Variants in PTGS2 observed in about 807,000 individuals in gnomAD.
PTGS2 encodes prostaglandin G/H synthase 2.
In PTGS2, 14 loss-of-function variants were observed where a neutral mutation model predicts 63.8. That is an observed-to-expected ratio of 0.22 (90% CI 0.14 to 0.34). The LOEUF (loss-of-function observed/expected upper bound fraction) is 0.34. Among genes scored for constraint, PTGS2 ranks in the 10% least tolerant of loss-of-function variants. The pLI is 1.00. For missense variants in PTGS2, 533 were observed against 738.5 expected, an observed-to-expected ratio of 0.72 and a Z score of 3.23; for synonymous variants, 271 against 259.5, an observed-to-expected ratio of 1.04 and a Z score of -0.43.
Position 186,674,620 on chromosome 1 carries a change from G to A in PTGS2, c.1548C>T (p.Ser516=). 6.2e-7 allele frequency: 1 copy of A among 1,614,212 alleles called. No individual in the cohort carries two copies. The highest frequency in any genetic ancestry group is 8.5e-7 in the Non-Finnish European group (1 of 1,180,038). ...ETMVEVGAPF[S]LKGLMGNVIC... is the part of the protein sequence containing the mutation. ...TAACATTACCCATAAGTCCTTTCAA[G>A]GAGAATGGTGCTCCAACTTCTACCA... Residue 516 remains serine (S), a synonymous_variant, in exon 10 of 10, where the codon TCC becomes TCT. Coordinates refer to ENST00000367468, the MANE Select transcript of PTGS2 (RefSeq NM_000963.4).
Position 186,680,333 on chromosome 1 carries a change from T to G in PTGS2, c.-43A>C. ...CGCGGCGCGGGGGTAGGCTTTGCTG[T>G]CTGAGGGCGTCTGGCTGTGGAGCTG... On this transcript the variant is annotated 5_prime_UTR_variant, in exon 1 of 10. Coordinates refer to ENST00000367468, the MANE Select transcript of PTGS2 (RefSeq NM_000963.4). The G allele has an allele frequency of 6.9e-7, 1 of 1,450,368 alleles. No individual in the cohort carries two copies. The highest frequency in any genetic ancestry group is 9.3e-7 in the Non-Finnish European group (1 of 1,078,210). The allele number at this position is 1,450,368 out of a possible 1,614,324, so 89.8% of individuals were successfully genotyped here.
intron 1 of PTGS2, 66 bp from the exon 2 acceptor site, chr1:186,679,504 G>T: frequency 8.5e-7 from 1 of 1,179,932 alleles, no homozygotes; most frequent in Non-Finnish European, 1.2e-6. Flanking sequence ...ACATTTAATT[G>T]TTTGACTATG....
Position 186,677,810 on chromosome 1 carries a change from A to C in PTGS2, c.478T>G (p.Ser160Ala), listed in dbSNP as rs200842448. 2 of 1,613,530 alleles carry C rather than the reference A, an allele frequency of 1.2e-6. No individual in the cohort carries two copies. Among genetic ancestry groups the C allele is most frequent in the East Asian group, 2.2e-5 (1 of 44,860 alleles). ...AGCAATTTTTCCACAATCTCATTTG[A>C]ATCAGGAAGCTGCTTTTTACCTGAA... is the stretch of plus-strand genomic sequence containing the variant. Reference protein sequence around the residue: ...GVKGKKQLPDSNEIVEKLLLR... With the variant: ...GVKGKKQLPDANEIVEKLLLR... The change falls in exon 5 of 10, where the codon TCA (serine) becomes GCA (alanine). Residue 160 changes from serine (S) to alanine (A), a missense_variant. Ser to Ala is a moderately conservative substitution (Grantham distance 99). Around this residue, in one of 5 missense-constraint regions of PTGS2, gnomAD observed 118 missense variants for 138.7 expected, o/e 0.85. Transcript: ENST00000367468.
Position 186,674,757 on chromosome 1 carries a change from T to C in PTGS2, c.1411A>G (p.Lys471Glu), listed in dbSNP as rs139787656. The C allele has an allele frequency of 8.1e-6, 13 of 1,603,482 alleles. No individual in the cohort carries two copies. In the African/African-American group the frequency reaches 1.6e-4, roughly 20 times the overall value. Residue 471 changes from lysine (K) to glutamate (E), a missense_variant, in exon 10 of 10, where the codon AAG becomes GAG. Transcript: ENST00000367468. ...GCTTCCAACTCTGCAGACATTTCCT[T>C]TTCTCCTGTGAAGGCGATGAAGACA... ...YESFEELTGEKEMSAELEALY... is the reference protein window; with the variant it reads ...YESFEELTGEEEMSAELEALY...
At chr1:186,679,033 A>G (rs1364290480) in intron 3 of PTGS2, 25 bp downstream of exon 3, 11 of 1,600,820 alleles carry the variant, frequency 6.9e-6, no homozygotes, top group Admixed American at 1.8e-5. Flanking sequence ...AAGGCTAAAA[A>G]CCTTAGAAAG....
chr1:186,680,282 G>C lies in PTGS2; in HGVS notation c.9C>G (p.Ala3=), dbSNP rs1264903436. The C allele has an allele frequency of 6.5e-7, 1 of 1,543,986 alleles. No homozygotes were observed. Among genetic ancestry groups the C allele is most frequent in the South Asian group, 1.2e-5 (1 of 83,716 alleles). ML[A]RALLLCAVLA... is the part of the protein sequence containing the mutation. ...GGACCGCGCACAGCAGCAGGGCGCG[G>C]GCGAGCATCGCAGCGGCGGGCAGGG... Residue 3 remains alanine, a synonymous_variant, in exon 1 of 10, where the codon GCC becomes GCG. Transcript: ENST00000367468.
Position 186,678,419 on chromosome 1 carries a change from G to GA in PTGS2, c.314-16dup. The GA allele has an allele frequency of 6.4e-7, 1 of 1,566,306 alleles. No individual in the cohort carries two copies. On this transcript the variant is annotated splice_polypyrimidine_tract_variant and intron_variant, in intron 3 of 9. Coordinates refer to ENST00000367468, the MANE Select transcript of PTGS2 (RefSeq NM_000963.4). ...ATGTGATCTGGCTGAAATTTTCAAA[G>GA]AAAAAAATGTTTTATTTATTCTCAT...
Position 186,679,014 on chromosome 1 carries a change from T to G in PTGS2, c.313+44A>C, listed in dbSNP as rs1665829001. 3 of 1,579,044 alleles carry G rather than the reference T, an allele frequency of 1.9e-6. No homozygotes were observed. In the African/African-American group the frequency reaches 4.1e-5, roughly 22 times the overall value. ...GCTTACAGTATTATAAAGCATATTT[T>G]TCTTTGAGAAGGCTAAAAACCTTAG... On this transcript the variant is annotated intron_variant, in intron 3 of 9. Coordinates refer to ENST00000367468, the MANE Select transcript of PTGS2 (RefSeq NM_000963.4).
intron 7 of PTGS2, 128 bp downstream of exon 7, chr1:186,676,339 T>C: frequency 7.2e-7 from 1 of 1,387,236 alleles, no homozygotes; most frequent in Non-Finnish European, 9.8e-7. Flanking sequence ...CATGCTTACA[T>C]ATTTAATGTA....
chr1:186,677,951 A>G, intron 4 of PTGS2, 121 bp from the exon 5 acceptor site: 1 of 953,184 alleles, frequency 1.0e-6, no homozygotes, highest in East Asian at 2.7e-5. Flanking sequence ...TAGGATCATA[A>G]TATAAACAAC....
chr1:186,678,521 A>T (rs577618382), intron 3 of PTGS2, 117 bp from the exon 4 acceptor site: 6 of 949,444 alleles, frequency 6.3e-6, no homozygotes, highest in Admixed American at 3.1e-5. Context: ...ACTCCAAAAT[A>T]AAAAAAATCT....
Position 186,680,243 on chromosome 1 carries a change from A to C in PTGS2, c.48T>G (p.His16Gln). The change falls in exon 1 of 10, where the codon CAT (histidine) becomes CAG (glutamine). Residue 16 changes from histidine (H) to glutamine (Q), a missense_variant. Around this residue, in one of 5 missense-constraint regions of PTGS2, gnomAD observed 118 missense variants for 144.6 expected, o/e 0.82. Coordinates refer to ENST00000367468, the MANE Select transcript of PTGS2 (RefSeq NM_000963.4). ...LLLCAVLALS[H>Q]TANPCCSHPC... is the part of the protein sequence containing the mutation. ...TGCGCGGCGCCAGGTACTCACCTGT[A>C]TGGCTGAGCGCCAGGACCGCGCACA... 1 of 1,549,104 alleles carries C rather than the reference A, an allele frequency of 6.5e-7. No individual in the cohort carries two copies. Among genetic ancestry groups the C allele is most frequent in the East Asian group, 2.4e-5 (1 of 40,852 alleles).
intron 7 of PTGS2, 113 bp from the exon 8 acceptor site, chr1:186,676,297 T>C (rs764935502): frequency 1.5e-6 from 2 of 1,374,840 alleles, no homozygotes; most frequent in Non-Finnish European, 2.0e-6. Context: ...TTTTCTTCCT[T>C]GTCAGTATCA....
At position 186,673,771 on chromosome 1, in the gene PTGS2, C is replaced by T. The variant is rs762269568; in HGVS notation, c.*582G>A. On this transcript the variant is annotated 3_prime_UTR_variant, in exon 10 of 10. Coordinates refer to ENST00000367468, the MANE Select transcript of PTGS2 (RefSeq NM_000963.4). Reference sequence around the variant, plus strand: ...TAATAACTTTAAGAAATCAAACAAGCTTTTACAGGTGATTCTACCCTATGA... The same window carrying T: ...TAATAACTTTAAGAAATCAAACAAGTTTTTACAGGTGATTCTACCCTATGA... 6.6e-6 allele frequency: 1 copy of T among 152,134 alleles called. No individual in the cohort carries two copies. Among genetic ancestry groups the T allele is most frequent in the Non-Finnish European group, 1.5e-5 (1 of 68,006 alleles). 9.4% of individuals were successfully genotyped at this position (152,134 alleles called of 1,614,324 possible). A position where few individuals can be genotyped will look rare whatever the true frequency, so the allele number is the denominator to read the frequency against.
Position 186,676,451 on chromosome 1 carries a change from T to C in PTGS2, c.970+16A>G. 6.2e-7 allele frequency: 1 copy of C among 1,610,152 alleles called. No individual in the cohort carries two copies. Among genetic ancestry groups the C allele is most frequent in the Non-Finnish European group, 8.5e-7 (1 of 1,177,138 alleles). ...CCTGGGGAAGAGGGTTTTATATAAA[T>C]CATTTTCTTGTTTACCTATCAGTAT... is the stretch of plus-strand genomic sequence containing the variant. On this transcript the variant is annotated intron_variant, in intron 7 of 9. Transcript: ENST00000367468.
rs541069205 is a variant in PTGS2 at position 186,672,329 on chromosome 1, G to A, written c.*2024C>T. 7 of 152,192 alleles carry A rather than the reference G, an allele frequency of 4.6e-5. No homozygotes were observed. In the South Asian group the frequency reaches 1.4e-3, roughly 32 times the overall value. The allele number at this position is 152,192 out of a possible 1,614,324, so 9.4% of individuals were successfully genotyped here. ...TCTTATGGCACATTCAGGCTAATGA[G>A]ACAATATTCTTTGTGGGCTAGCACA... On this transcript the variant is annotated 3_prime_UTR_variant, in exon 10 of 10. Coordinates refer to ENST00000367468, the MANE Select transcript of PTGS2 (RefSeq NM_000963.4).
intron 2 of PTGS2, 26 bp downstream of exon 2, chr1:186,679,296 A>G: frequency 6.2e-7 from 1 of 1,613,268 alleles, no homozygotes; most frequent in South Asian, 1.1e-5. Context: ...CCCACTCCTA[A>G]TGAGGCAACC....
rs772864590 is a variant in PTGS2 at position 186,674,457 on chromosome 1, G to A, written c.1711C>T (p.Pro571Ser). The stretch of plus-strand genomic sequence containing the variant: ...ATGGTGACTGTTTTAATGAGCTCTG[G>A]ATCTGGAACACTGAATGAAGTAAAG... ...CPFTSFSVPD[P>S]ELIKTVTINA... Residue 571 changes from proline to serine, a missense_variant, in exon 10 of 10, where the codon CCA (proline) becomes TCA (serine). Coordinates refer to ENST00000367468, the MANE Select transcript of PTGS2 (RefSeq NM_000963.4). The A allele has an allele frequency of 6.2e-7, 1 of 1,614,006 alleles. No homozygotes were observed. Among genetic ancestry groups the A allele is most frequent in the Non-Finnish European group, 8.5e-7 (1 of 1,180,006 alleles).
intron 4 of PTGS2, 73 bp from the exon 5 acceptor site, chr1:186,677,903 C>CAAGAATTCTCATATAAATG: frequency 7.2e-7 from 1 of 1,391,664 alleles, no homozygotes; most frequent in Non-Finnish European, 9.9e-7. Flanking sequence ...GTCAATCTAC[C>CAAGAATTCTCATATAAATG]AAGAATTCTT....
Sources: gnomAD v4.1 joint callset for allele counts on GRCh38, gnomAD v4.1.1 for gene constraint, gnomAD v4.1.1 regional missense constraint, MANE v1.5 for transcripts, NCBI Gene and HGNC (gene_info 2026-07-23, HGNC 2026-07-21) for gene names.